The following IGFL2 variants were observed in gnomAD, a reference collection of about 807,000 sequenced individuals.
IGFL2 encodes insulin growth factor-like family member 2.
IGFL2 carries 7 observed loss-of-function variants against 13.9 expected under a neutral mutation model. The ratio of observed to expected loss-of-function variants is 0.51; its 90% CI spans 0.29 to 0.95. The LOEUF (loss-of-function observed/expected upper bound fraction) is 0.95. Ranked by LOEUF, IGFL2 falls within the 40% of genes least tolerant of loss-of-function variation. IGFL2 has a pLI of 0.08. For synonymous variants in IGFL2, 55 were observed against 55.8 expected (o/e 0.99, Z 0.07); for missense variants, 138 against 147.8 (o/e 0.93, Z 0.34).
chr19:46,139,471 T>C (rs546593199), upstream of IGFL2, among the ~76,000 whole-genome samples: 2 of 152,140 alleles, frequency 1.3e-5, no homozygotes, highest in Admixed American at 1.3e-4. Flanking sequence ...TGTTAAAAAT[T>C]AGTATGTAGA....
At chr19:46,176,687 G>A in the IGFL2 span, among the ~76,000 whole-genome samples, 3 of 152,132 alleles carry the variant, frequency 2.0e-5, no homozygotes, top group African/African-American at 7.2e-5. Flanking sequence ...CTCCTAGGGG[G>A]AAGTGGGGAT....
At chr19:46,124,773 C>A in the IGFL2 span, 1 of 802,158 alleles carries the variant, frequency 1.2e-6, no homozygotes. Context: ...GCTGATCATG[C>A]CACCTGCAGT....
the IGFL2 span, among the ~76,000 whole-genome samples, chr19:46,185,402 G>A: frequency 6.6e-6 from 1 of 152,198 alleles, no homozygotes; most frequent in African/African-American, 2.4e-5. Context: ...GACATGGGGA[G>A]GAGGCAATGA....
chr19:46,090,773 T>C, the IGFL2 span, among the ~76,000 whole-genome samples: 1 of 152,180 alleles, frequency 6.6e-6, no homozygotes, highest in Non-Finnish European at 1.5e-5. Context: ...TGGATTGAGC[T>C]GGCCTTGCAG....
the IGFL2 span, among the ~76,000 whole-genome samples, chr19:46,080,650 AG>A: frequency 1.3e-5 from 2 of 152,224 alleles, no homozygotes; most frequent in Non-Finnish European, 2.9e-5. Flanking sequence ...GTGAGTGTCA[AG>A]GGGGTGTGGT....
At chr19:46,118,616 G>T in the IGFL2 span, among the ~76,000 whole-genome samples, 2 of 152,202 alleles carry the variant, frequency 1.3e-5, no homozygotes, top group African/African-American at 4.8e-5. Flanking sequence ...TCTGAACCCT[G>T]GGCAGCCTCA....
the IGFL2 span, chr19:46,189,992 TTGTGAA>T: frequency 6.6e-6 from 1 of 152,144 alleles, no homozygotes; most frequent in Non-Finnish European, 1.5e-5. Flanking sequence ...AGTAATAAAT[TTGTGAA>T]TGAGCCCTTG....
At chr19:46,080,100 A>C in the IGFL2 span, among the ~76,000 whole-genome samples, 2,049 of 152,350 alleles carry the variant, frequency 0.013, 32 homozygotes, top group Middle Eastern at 0.027. Flanking sequence ...AAGTTTAAAT[A>C]AAGATTGTCG....
intron 1 of IGFL2, chr19:46,159,707 A>G (rs1007747781): frequency 6.6e-6 from 1 of 152,064 alleles, no homozygotes; most frequent in African/African-American, 2.4e-5. Flanking sequence ...ATTTTTTTCC[A>G]TTTCCTTTAT....
chr19:46,092,677 C>T, the IGFL2 span, among the ~76,000 whole-genome samples: 1 of 151,514 alleles, frequency 6.6e-6, no homozygotes, highest in Non-Finnish European at 1.5e-5. Context: ...GATGGGATCT[C>T]ACTGTGTTGC....
chr19:46,080,136 A>G, the IGFL2 span, among the ~76,000 whole-genome samples: 519 of 152,356 alleles, frequency 3.4e-3, 5 homozygotes, highest in African/African-American at 0.012. Context: ...ACTTAAAGCC[A>G]TTTTAAATGA....
At chr19:46,160,974 C>G in intron 3 of IGFL2, 93 bp downstream of exon 3, 3 of 1,543,282 alleles carry the variant, frequency 1.9e-6, no homozygotes, top group Non-Finnish European at 2.7e-6. Flanking sequence ...TTTGAAGAGC[C>G]CTGGCCCTGT....
chr19:46,141,783 G>A (rs1296832362), upstream of IGFL2, among the ~76,000 whole-genome samples: 1 of 152,096 alleles, frequency 6.6e-6, no homozygotes, highest in Non-Finnish European at 1.5e-5. Context: ...GCATCCCACA[G>A]GACTCATGCT....
chr19:46,102,547 C>T, the IGFL2 span, among the ~76,000 whole-genome samples: 1 of 151,758 alleles, frequency 6.6e-6, no homozygotes, highest in Admixed American at 6.6e-5. Context: ...TACATTATTG[C>T]GAGGGCGGGG....
At chr19:46,109,664 A>C in the IGFL2 span, among the ~76,000 whole-genome samples, 1 of 152,062 alleles carries the variant, frequency 6.6e-6, no homozygotes, top group Non-Finnish European at 1.5e-5. Flanking sequence ...GTACCTTGTT[A>C]AGGGTAGGGG....
the IGFL2 span, among the ~76,000 whole-genome samples, chr19:46,171,312 G>A: frequency 6.6e-6 from 1 of 152,166 alleles, no homozygotes; most frequent in Non-Finnish European, 1.5e-5. Context: ...AGAGCCAGGA[G>A]CTAAGTCAAG....
upstream of IGFL2, among the ~76,000 whole-genome samples, chr19:46,141,955 T>G (rs1402390183): frequency 6.6e-6 from 1 of 152,232 alleles, no homozygotes; most frequent in African/African-American, 2.4e-5. Flanking sequence ...CCTCCCTTGC[T>G]CATTTGCTCT....
the IGFL2 span, among the ~76,000 whole-genome samples, chr19:46,108,922 G>C: frequency 6.6e-6 from 1 of 152,234 alleles, no homozygotes; most frequent in Non-Finnish European, 1.5e-5. Flanking sequence ...TTGGAGAAGA[G>C]AGTGAAAAGA....
the IGFL2 span, chr19:46,194,957 C>T: frequency 2.8e-5 from 4 of 144,260 alleles, no homozygotes; most frequent in Non-Finnish European, 3.0e-5. Flanking sequence ...TCAAGTGATC[C>T]TCCTGCTTTG....
Sources: allele counts gnomAD v4.1 joint callset (sites outside exome capture counted in the v4.1 genomes callset), GRCh38; gene constraint gnomAD v4.1.1; transcripts MANE v1.5; gene names NCBI Gene and HGNC (gene_info 2026-07-23, HGNC 2026-07-21).